TOLLIP: variants seen among roughly 807,000 people sequenced by gnomAD.
TOLLIP encodes the protein toll-interacting protein.
Under a neutral mutation model 33.5 loss-of-function variants are expected in TOLLIP, and 16 were observed. That is an observed-to-expected ratio of 0.48 (90% CI 0.32 to 0.72). The LOEUF (loss-of-function observed/expected upper bound fraction) is 0.72, where lower values mean the gene tolerates loss of function less well. Among genes scored for constraint, TOLLIP ranks in the 30% least tolerant of loss-of-function variants. The pLI, the probability that TOLLIP is intolerant of heterozygous loss-of-function variation, is 0.03. For missense variants in TOLLIP, 325 were observed against 396.6 expected, an observed-to-expected ratio of 0.82 and a Z score of 1.53; for synonymous variants, 176 against 163.7, an observed-to-expected ratio of 1.07 and a Z score of -0.57.
chr11:1,280,875 G>C (rs1863475893), intron 5 of TOLLIP, among the ~76,000 whole-genome samples: 1 of 152,204 alleles, frequency 6.6e-6, no homozygotes, highest in South Asian at 2.1e-4. Context: ...CTCTGTGCCA[G>C]GGACAGCTGA....
At chr11:1,293,766 C>T (rs1864024316) in intron 2 of TOLLIP, among the ~76,000 whole-genome samples, 1 of 152,248 alleles carries the variant, frequency 6.6e-6, no homozygotes, top group African/African-American at 2.4e-5. Flanking sequence ...GTGGAGTGCC[C>T]TGCGGTCACC....
In TOLLIP at chr11:1,278,492, A is replaced by G. The variant is rs140374060; in HGVS notation, c.611-1239T>C. 2.2e-3 allele frequency among the ~76,000 whole-genome samples: 333 copies of G among 152,316 alleles called. 5 individuals carry two copies. The highest frequency in any genetic ancestry group is 7.6e-3 in the African/African-American group (316 of 41,568). Reference sequence around the variant, plus strand: ...AGACCTGCAGGGGTGTAAACGGAGCAGACAGGGCTTGCCACCAAGCCTCCT... The same window carrying G: ...AGACCTGCAGGGGTGTAAACGGAGCGGACAGGGCTTGCCACCAAGCCTCCT... On this transcript the variant is annotated intron_variant, in intron 5 of 5. Coordinates refer to ENST00000317204, the MANE Select transcript of TOLLIP (RefSeq NM_019009.4). The surrounding 1 kb of genome is among the most constrained non-coding windows in gnomAD (Gnocchi z 4.7).
chr11:1,288,782 G>A lies in TOLLIP; in HGVS notation c.367-6C>T. On this transcript the variant is annotated splice_region_variant and splice_polypyrimidine_tract_variant and intron_variant, in intron 3 of 5. Coordinates refer to ENST00000317204, the MANE Select transcript of TOLLIP (RefSeq NM_019009.4). ...TCGTCCATGGAGAAGGCTCTCTGCG[G>A]GAGACAAGAGGGAGAGGCCCCAGGC... 1 of 1,610,438 alleles carries A rather than the reference G, an allele frequency of 6.2e-7. No homozygotes were observed. Among genetic ancestry groups the A allele is most frequent in the Non-Finnish European group, 8.5e-7 (1 of 1,178,504 alleles).
At chr11:1,291,915 C>T (rs1044085166) in intron 2 of TOLLIP, 1 of 153,948 alleles carries the variant, frequency 6.5e-6, no homozygotes, top group Non-Finnish European at 1.5e-5. Context: ...CTGAACTCTC[C>T]CCTCCTGTGC....
intron 2 of TOLLIP, 127 bp downstream of exon 2, chr11:1,295,518 A>G: frequency 8.2e-7 from 1 of 1,219,894 alleles, no homozygotes; most frequent in Non-Finnish European, 1.1e-6. Flanking sequence ...CACAGGTTTC[A>G]GGAAAAGCGG....
At chr11:1,304,600 T>A (rs1412054913) in intron 1 of TOLLIP, among the ~76,000 whole-genome samples, 1 of 152,206 alleles carries the variant, frequency 6.6e-6, no homozygotes, top group Admixed American at 6.5e-5. Flanking sequence ...ATGATTAACT[T>A]CTTCTTTATT....
At chr11:1,287,079 C>G (rs1863731725) in intron 4 of TOLLIP, among the ~76,000 whole-genome samples, 1 of 152,042 alleles carries the variant, frequency 6.6e-6, no homozygotes, top group South Asian at 2.1e-4. Context: ...TAAGTCACTG[C>G]ACCGCTGCCG....
intron 1 of TOLLIP, among the ~76,000 whole-genome samples, chr11:1,299,203 A>G (rs955982894): frequency 4.6e-5 from 7 of 152,212 alleles, no homozygotes; most frequent in Non-Finnish European, 1.0e-4. Flanking sequence ...TCAGAAAAAT[A>G]TTCCATTTAA....
At chr11:1,300,320 C>T (rs959137589) in intron 1 of TOLLIP, among the ~76,000 whole-genome samples, 24 of 152,208 alleles carry the variant, frequency 1.6e-4, no homozygotes, top group African/African-American at 4.8e-5. Flanking sequence ...CTGTGACTGA[C>T]GACCATTCCT....
chr11:1,309,032 T>C (rs868429168), intron 1 of TOLLIP, among the ~76,000 whole-genome samples: 75 of 151,338 alleles, frequency 5.0e-4, no homozygotes, highest in African/African-American at 1.8e-3. Flanking sequence ...TGGGGGACCA[T>C]TAGGGTGCGG....
intron 4 of TOLLIP, among the ~76,000 whole-genome samples, chr11:1,287,152 A>C (rs1863735458): frequency 6.6e-6 from 1 of 152,194 alleles, no homozygotes; most frequent in South Asian, 2.1e-4. Context: ...TGAGTTCGAA[A>C]CTGTCAACTG....
intron 5 of TOLLIP, among the ~76,000 whole-genome samples, chr11:1,280,907 G>A (rs936367679): frequency 2.0e-5 from 3 of 152,196 alleles, no homozygotes; most frequent in Non-Finnish European, 2.9e-5. Context: ...AGGCAGGGCT[G>A]AGGCCCAGTG....
At position 1,295,797 on chromosome 11, in the gene TOLLIP, G is replaced by T; in HGVS notation, c.34-3C>A. 6.4e-7 allele frequency: 1 copy of T among 1,552,786 alleles called. No homozygotes were observed. The highest frequency in any genetic ancestry group is 8.7e-7 in the Non-Finnish European group (1 of 1,146,326). Reference sequence around the variant, plus strand: ...TGCGGGAGCTCACCGATGTACACCTGCGGGGCCGGGGACCAGAGAGGCCAG... The same window carrying T: ...TGCGGGAGCTCACCGATGTACACCTTCGGGGCCGGGGACCAGAGAGGCCAG... On this transcript the variant is annotated splice_region_variant and splice_polypyrimidine_tract_variant and intron_variant, in intron 1 of 5. Transcript: ENST00000317204.
In TOLLIP at chr11:1,303,081, C is replaced by T. The variant is rs1457873506; in HGVS notation, c.33+6385G>A. Among the ~76,000 whole-genome samples the T allele has an allele frequency of 6.6e-6, 1 of 152,158 alleles. No homozygotes were observed. Among genetic ancestry groups the T allele is most frequent in the Admixed American group, 6.5e-5 (1 of 15,282 alleles). On this transcript the variant is annotated intron_variant, in intron 1 of 5. Coordinates refer to ENST00000317204, the MANE Select transcript of TOLLIP (RefSeq NM_019009.4). This position sits in a 1 kb window ranked among gnomAD's most constrained non-coding sequence, Gnocchi z 4.2. ...TTGTGTAAGGGAAGCTGGGAGATGA[C>T]AGTATTGAAACGAACCCGTGTAAGC...
At position 1,288,878 on chromosome 11, in the gene TOLLIP, GT is replaced by G; in HGVS notation, c.367-103del. On this transcript the variant is annotated intron_variant, in intron 3 of 5. Coordinates refer to ENST00000317204, the MANE Select transcript of TOLLIP (RefSeq NM_019009.4). ...CCCGCCTCGAGTCCCCGTCTTATCT[GT>G]GGAACAGGGCTCCCACCTGCACCAA... 1.4e-5 allele frequency: 19 copies of G among 1,322,374 alleles called. No homozygotes were observed. The Admixed American group carries it at 4.0e-4, about 28-fold the overall frequency. The allele number at this position is 1,322,374 out of a possible 1,614,324, so 81.9% of individuals were successfully genotyped here.
chr11:1,306,826 T>G lies in TOLLIP; in HGVS notation c.33+2640A>C, dbSNP rs546165561. Among the ~76,000 whole-genome samples the G allele has an allele frequency of 4.6e-5, 7 of 152,026 alleles. No individual in the cohort carries two copies. In the East Asian group the frequency reaches 1.4e-3, roughly 30 times the overall value. ...CCTGCCTCCCTCCATCCTCGGCCCC[T>G]GGGGCTCCCTCCTCTCCACCTCCAG... is the stretch of plus-strand genomic sequence containing the variant. On this transcript the variant is annotated intron_variant, in intron 1 of 5. Transcript: ENST00000317204.
chr11:1,290,112 T>G lies in TOLLIP; in HGVS notation c.366+115A>C, dbSNP rs1863885375. On this transcript the variant is annotated intron_variant, in intron 3 of 5. Coordinates refer to ENST00000317204, the MANE Select transcript of TOLLIP (RefSeq NM_019009.4). This position sits in a 1 kb window ranked among gnomAD's most constrained non-coding sequence, Gnocchi z 4.9. The stretch of plus-strand genomic sequence containing the variant: ...GTCATGCACCCAATGAAACACCAGG[T>G]GGGGAGCCACGCCTCGAAGCCAGCC... The G allele has an allele frequency of 9.9e-7, 1 of 1,006,570 alleles. No individual in the cohort carries two copies. The highest frequency in any genetic ancestry group is 1.5e-6 in the Non-Finnish European group (1 of 674,928). The allele number at this position is 1,006,570 out of a possible 1,614,324, so 62.4% of individuals were successfully genotyped here.
In TOLLIP at chr11:1,278,286, T is replaced by C. The variant is rs1232171096; in HGVS notation, c.611-1033A>G. On this transcript the variant is annotated intron_variant, in intron 5 of 5. Transcript: ENST00000317204. This position sits in a 1 kb window ranked among gnomAD's most constrained non-coding sequence, Gnocchi z 4.7. ...CCTCCTGCAGCAGCAGCTGCAGCAG[T>C]GCAAGGGTTCACTGCTCACCCGTTC... Among the ~76,000 whole-genome samples, 2 of 151,860 alleles carry C rather than the reference T, an allele frequency of 1.3e-5. No homozygotes were observed. The highest frequency in any genetic ancestry group is 2.9e-5 in the Non-Finnish European group (2 of 67,956).
chr11:1,287,836 C>CT (rs1863790832), intron 4 of TOLLIP, among the ~76,000 whole-genome samples: 1 of 14,748 alleles, frequency 6.8e-5, no homozygotes, highest in African/African-American at 4.9e-4. Context: ...GCACCCTCCC[C>CT]GCCGCAGCCT....
Sources: allele counts gnomAD v4.1 joint callset (sites outside exome capture counted in the v4.1 genomes callset), GRCh38; gene constraint gnomAD v4.1.1; non-coding constraint Gnocchi (gnomAD v3.1); transcripts MANE v1.5; gene names NCBI Gene and HGNC (gene_info 2026-07-23, HGNC 2026-07-21).